Variants in GPM6B observed in about 807,000 individuals in gnomAD.
GPM6B encodes the protein neuronal membrane glycoprotein M6-b.
A neutral mutation model predicts 27.2 loss-of-function variants in GPM6B; 4 were observed. That is an observed-to-expected ratio of 0.15 (90% CI 0.07 to 0.34). GPM6B has a LOEUF of 0.34. GPM6B is among the 10% of genes least tolerant of loss of function. The probability of loss-of-function intolerance (pLI) is 1.00; values close to 1 mark genes in which losing one functional copy is unlikely to be tolerated. For synonymous variants in GPM6B, 124 were observed against 103.1 expected, an observed-to-expected ratio of 1.20 and a Z score of -1.23; for missense variants, 183 against 261.9, an observed-to-expected ratio of 0.70 and a Z score of 2.08.
chrX:13,800,532 A>G (rs2048902355), intron 2 of GPM6B, among the ~76,000 whole-genome samples: 1 of 112,645 alleles, frequency 8.9e-6, no homozygotes. Flanking sequence ...ACACAAAGAT[A>G]TAGTGGCAAT....
chrX:13,931,368 G>C (rs979415754), intron 1 of GPM6B, among the ~76,000 whole-genome samples: 2 of 108,606 alleles, frequency 1.8e-5, no homozygotes, highest in Non-Finnish European at 3.8e-5. Flanking sequence ...GGCGCCTGTA[G>C]TCCCAGCTAC....
intron 1 of GPM6B, among the ~76,000 whole-genome samples, chrX:13,822,473 C>T (rs1691947106): frequency 9.0e-6 from 1 of 110,567 alleles, no homozygotes; most frequent in South Asian, 3.9e-4. Flanking sequence ...TCAAGCGATT[C>T]TCCTGCTTCA....
chrX:13,796,083 T>C (rs1026868118), intron 2 of GPM6B, among the ~76,000 whole-genome samples: 13 of 111,454 alleles, frequency 1.2e-4, no homozygotes, highest in African/African-American at 4.2e-4. Context: ...CGCACCACCA[T>C]GCTGGCTAAT....
At chrX:13,909,601 G>T (rs917103453) in intron 1 of GPM6B, among the ~76,000 whole-genome samples, 2 of 111,144 alleles carry the variant, frequency 1.8e-5, no homozygotes, top group African/African-American at 6.5e-5. Context: ...TATAATCATG[G>T]TACTGACTAT....
rs1364980110 is a variant in GPM6B, at chrX:13,870,158, T to TG, written c.-198+68168dup. 3.6e-5 allele frequency among the ~76,000 whole-genome samples: 4 copies of TG among 112,052 alleles called. No individual in the cohort carries two copies. The South Asian group carries it at 1.1e-3, about 31-fold the overall frequency. ...ACTGTATCCTTTGCAATGCATTGCA[T>TG]GGGGGGCAAATGGTATTGATGCAGG... On this transcript the variant is annotated intron_variant, in intron 1 of 6. Coordinates refer to the GPM6B transcript ENST00000398361.
At chrX:13,866,278 A>G (rs929030422) in intron 1 of GPM6B, among the ~76,000 whole-genome samples, 52 of 112,331 alleles carry the variant, frequency 4.6e-4, no homozygotes, top group Non-Finnish European at 8.8e-4. Flanking sequence ...CAGGAGAATC[A>G]CTTGAACCTG....
chrX:13,841,639 C>T (rs982206690), intron 1 of GPM6B, among the ~76,000 whole-genome samples: 6 of 111,609 alleles, frequency 5.4e-5, no homozygotes, highest in African/African-American at 1.6e-4. Context: ...TCCTCCTGGC[C>T]TCAGACTTGG....
intron 1 of GPM6B, among the ~76,000 whole-genome samples, chrX:13,846,810 T>TTTTA (rs1159751365): frequency 9.5e-6 from 1 of 105,453 alleles, no homozygotes; most frequent in Admixed American, 1.0e-4. Context: ...TTTTTTTTTT[T>TTTTA]AAACTTTTTC....
intron 1 of GPM6B, among the ~76,000 whole-genome samples, chrX:13,903,157 A>C (rs112299366): frequency 0.011 from 1,262 of 112,011 alleles, 7 homozygotes; most frequent in Non-Finnish European, 0.019. Flanking sequence ...GTGATTCTGC[A>C]AGGTGAGAGC....
intron 1 of GPM6B, among the ~76,000 whole-genome samples, chrX:13,864,180 A>G (rs1189099822): frequency 1.8e-5 from 2 of 112,747 alleles, no homozygotes; most frequent in Non-Finnish European, 3.7e-5. Context: ...GGAATCTGAA[A>G]GAATCGATGC....
rs748956803 is a variant in GPM6B at position 13,843,028 on chromosome X, A to G, written c.-197-57220T>C. On this transcript the variant is annotated intron_variant, in intron 1 of 6. Transcript: ENST00000398361. ...AAAATATATGATCGCAACTGTTAAC[A>G]CGATCTAATTTTGAACACTTCAGTC... 3.4e-4 allele frequency among the ~76,000 whole-genome samples: 38 copies of G among 111,148 alleles called. 1 individual carries two copies. The highest frequency in any genetic ancestry group is 2.9e-4 in the Admixed American group (3 of 10,443).
At chrX:13,890,569 C>G (rs745754469) in intron 1 of GPM6B, among the ~76,000 whole-genome samples, 1 of 111,394 alleles carries the variant, frequency 9.0e-6, no homozygotes, top group African/African-American at 3.3e-5. Flanking sequence ...AACTTCCCAG[C>G]CTTTTGAGGG....
rs1480951184 is a variant in GPM6B, at chrX:13,771,997, A to G, written c.*884T>C. 1 of 112,653 alleles carries G rather than the reference A, an allele frequency of 8.9e-6. No individual in the cohort carries two copies. Among genetic ancestry groups the G allele is most frequent in the Non-Finnish European group, 1.9e-5 (1 of 53,257 alleles). 9.3% of individuals were successfully genotyped at this position (112,653 alleles called of 1,213,427 possible). ...TGAAAAATGGTTTAGAATGGTGGTCATTTTAATAAGGTAACACTTCTTAAT... is the reference window on the plus strand; with the variant it reads ...TGAAAAATGGTTTAGAATGGTGGTCGTTTTAATAAGGTAACACTTCTTAAT... On this transcript the variant is annotated 3_prime_UTR_variant, in exon 8 of 8. Coordinates refer to ENST00000316715, the MANE Select transcript of GPM6B (RefSeq NM_001001995.3).
intron 1 of GPM6B, among the ~76,000 whole-genome samples, chrX:13,835,311 A>G (rs1016326408): frequency 8.9e-6 from 1 of 112,280 alleles, no homozygotes; most frequent in African/African-American, 3.2e-5. Context: ...TATGTAGTCA[A>G]GCTTAACTCT....
At chrX:13,930,558 A>G (rs920914335) in intron 1 of GPM6B, among the ~76,000 whole-genome samples, 13 of 111,210 alleles carry the variant, frequency 1.2e-4, no homozygotes, top group Non-Finnish European at 1.9e-4. Context: ...AGCTTGCAGT[A>G]AGCCGAGATC....
chrX:13,892,207 C>T (rs1173288748), intron 1 of GPM6B, among the ~76,000 whole-genome samples: 2 of 111,635 alleles, frequency 1.8e-5, no homozygotes, highest in South Asian at 3.8e-4. Flanking sequence ...AAAACAATAG[C>T]GGTTGTCCAC....
At chrX:13,869,127 C>G (rs1443504432) in intron 1 of GPM6B, among the ~76,000 whole-genome samples, 1 of 112,243 alleles carries the variant, frequency 8.9e-6, no homozygotes, top group African/African-American at 3.2e-5. Context: ...ATTCATACAA[C>G]AGAATGTTAT....
chrX:13,885,895 G>A (rs772649103), intron 1 of GPM6B, among the ~76,000 whole-genome samples: 1 of 112,200 alleles, frequency 8.9e-6, no homozygotes, highest in African/African-American at 3.2e-5. Flanking sequence ...TTTGAGTTTC[G>A]AGTGGTTTTA....
intron 1 of GPM6B, among the ~76,000 whole-genome samples, chrX:13,934,975 C>T (rs756478482): frequency 2.0e-4 from 22 of 111,131 alleles, no homozygotes; most frequent in South Asian, 1.9e-3. Flanking sequence ...TCAGGCCCCA[C>T]CCAGGCCCAC....
Sources: gnomAD v4.1 joint callset for allele counts (sites outside exome capture counted in the v4.1 genomes callset) on GRCh38, gnomAD v4.1.1 for gene constraint, MANE v1.5 for transcripts, NCBI Gene and HGNC (gene_info 2026-07-23, HGNC 2026-07-21) for gene names.